The following DGKI variants were observed in gnomAD, a reference collection of about 807,000 sequenced individuals.
The protein encoded by DGKI is DAG kinase iota.
A neutral mutation model predicts 147.5 loss-of-function variants in DGKI; 55 were observed. That is an observed-to-expected ratio of 0.37 (90% confidence interval 0.30 to 0.47). The LOEUF is 0.47. DGKI is among the 20% of genes least tolerant of loss of function. DGKI has a pLI of 1.00. For missense variants in DGKI, 1,007 were observed against 1,323.8 expected (o/e 0.76, Z 3.71); for synonymous variants, 469 against 477.1 (o/e 0.98, Z 0.22).
At chr7:137,744,626 T>C (rs1795272288) in intron 1 of DGKI, among the ~76,000 whole-genome samples, 2 of 151,718 alleles carry the variant, frequency 1.3e-5, no homozygotes, top group Non-Finnish European at 2.9e-5. Context: ...CTGATGAACA[T>C]AGAAGCAAAT....
Position 137,441,644 on chromosome 7 carries a change from A to AT in DGKI, c.2761+2432dup, listed in dbSNP as rs899237433. On this transcript the variant is annotated intron_variant, in intron 28 of 32. Coordinates refer to ENST00000614521, the MANE Select transcript of DGKI (RefSeq NM_001321708.2). ...TACCAGGGTTATTGGACGTTGCAAA[A>AT]TTAGATTTTTCCAAGAATAAGTTCT... 9.9e-4 allele frequency among the ~76,000 whole-genome samples: 151 copies of AT among 152,284 alleles called. 1 individual carries two copies. The highest frequency in any genetic ancestry group is 3.3e-3 in the African/African-American group (139 of 41,570).
intron 20 of DGKI, among the ~76,000 whole-genome samples, chr7:137,528,524 T>C (rs950996697): frequency 1.3e-5 from 2 of 152,306 alleles, no homozygotes; most frequent in Non-Finnish European, 2.9e-5. Flanking sequence ...TATTAATTCT[T>C]TTTTGATGGA....
At chr7:137,524,998 G>C (rs1363447182) in intron 20 of DGKI, among the ~76,000 whole-genome samples, 1 of 152,046 alleles carries the variant, frequency 6.6e-6, no homozygotes, top group Non-Finnish European at 1.5e-5. Context: ...TGTCCTCCCA[G>C]GTTCTCATCT....
chr7:137,476,337 C>T (rs1413171963), intron 23 of DGKI, among the ~76,000 whole-genome samples: 2 of 151,920 alleles, frequency 1.3e-5, no homozygotes, highest in African/African-American at 4.8e-5. Context: ...TTTCTTTTTA[C>T]GGTGTGCTCA....
intron 19 of DGKI, among the ~76,000 whole-genome samples, chr7:137,567,007 G>A (rs1032044912): frequency 1.8e-5 from 2 of 111,564 alleles, no homozygotes; most frequent in East Asian, 2.4e-4. Flanking sequence ...GCTCATGCCT[G>A]TAACCCAAGC....
At chr7:137,736,227 A>G (rs1795017848) in intron 1 of DGKI, among the ~76,000 whole-genome samples, 1 of 152,116 alleles carries the variant, frequency 6.6e-6, no homozygotes, top group South Asian at 2.1e-4. Context: ...AGATTTTGCA[A>G]CCTGATCATT....
At chr7:137,573,667 A>T (rs564982401) in intron 17 of DGKI, among the ~76,000 whole-genome samples, 1 of 152,298 alleles carries the variant, frequency 6.6e-6, no homozygotes, top group African/African-American at 2.4e-5. Flanking sequence ...GGCCTCACAA[A>T]GTGCTGGGAT....
intron 7 of DGKI, among the ~76,000 whole-genome samples, chr7:137,620,151 C>T (rs969388225): frequency 1.3e-5 from 2 of 152,016 alleles, no homozygotes; most frequent in African/African-American, 4.8e-5. Context: ...ACCCAGCCAG[C>T]CCCAGGAGCT....
At chr7:137,552,663 C>T (rs1818088100) in intron 19 of DGKI, 95 bp from the exon 20 acceptor site, 33 of 1,314,674 alleles carry the variant, frequency 2.5e-5, no homozygotes, top group Middle Eastern at 2.4e-4. Flanking sequence ...AATCCCAGCA[C>T]TTTGGGAGAC....
intron 9 of DGKI, 93 bp from the exon 10 acceptor site, chr7:137,609,157 T>C: frequency 1.1e-6 from 1 of 936,892 alleles, no homozygotes; most frequent in Non-Finnish European, 1.7e-6. Flanking sequence ...CAATAATACA[T>C]TTTGTTTCCC....
intron 1 of DGKI, among the ~76,000 whole-genome samples, chr7:137,706,712 A>T (rs1794042228): frequency 6.6e-6 from 1 of 151,902 alleles, no homozygotes; most frequent in Non-Finnish European, 1.5e-5. Context: ...AGCTGGGACT[A>T]CAGGCGCATG....
chr7:137,793,548 G>A (rs1462999809), intron 1 of DGKI, among the ~76,000 whole-genome samples: 3 of 152,084 alleles, frequency 2.0e-5, no homozygotes, highest in South Asian at 2.1e-4. Flanking sequence ...TGATCCACCC[G>A]CCTTGGCCTC....
intron 28 of DGKI, among the ~76,000 whole-genome samples, chr7:137,415,508 G>A (rs769347066): frequency 5.0e-4 from 76 of 152,182 alleles, no homozygotes; most frequent in Non-Finnish European, 8.4e-4. Flanking sequence ...CAGATACTGA[G>A]TAACAGCTGT....
At chr7:137,419,443 G>T (rs1812478874) in intron 28 of DGKI, among the ~76,000 whole-genome samples, 1 of 152,150 alleles carries the variant, frequency 6.6e-6, no homozygotes, top group South Asian at 2.1e-4. Flanking sequence ...CATAGCCTTT[G>T]CTGTATTTAC....
At chr7:137,527,294 C>T (rs1817184797) in intron 20 of DGKI, among the ~76,000 whole-genome samples, 1 of 152,042 alleles carries the variant, frequency 6.6e-6, no homozygotes, top group Non-Finnish European at 1.5e-5. Flanking sequence ...TTCCATAAGC[C>T]TTATATTGTT....
At chr7:137,722,301 G>A in intron 1 of DGKI, 1 of 1,612,402 alleles carries the variant, frequency 6.2e-7, no homozygotes, top group Non-Finnish European at 8.5e-7. Flanking sequence ...GCAGTACCCG[G>A]GTGGTTAAAC....
chr7:137,495,636 G>T (rs547446649), intron 21 of DGKI, among the ~76,000 whole-genome samples: 1 of 151,586 alleles, frequency 6.6e-6, no homozygotes, highest in Non-Finnish European at 1.5e-5. Context: ...TTATCCCTGC[G>T]ATGCAAGGTG....
chr7:137,686,659 TA>T (rs1489530475), intron 2 of DGKI, among the ~76,000 whole-genome samples: 1 of 152,160 alleles, frequency 6.6e-6, no homozygotes, highest in African/African-American at 2.4e-5. Flanking sequence ...AGTATTAAGT[TA>T]ATGTACCCAA....
chr7:137,605,486 G>A (rs777981410), intron 10 of DGKI, among the ~76,000 whole-genome samples: 2 of 151,994 alleles, frequency 1.3e-5, no homozygotes, highest in East Asian at 1.9e-4. Flanking sequence ...CAGTGTCATC[G>A]CTACCTTAAG....
Sources: gnomAD v4.1 joint callset for allele counts (sites outside exome capture counted in the v4.1 genomes callset) on GRCh38, gnomAD v4.1.1 for gene constraint, MANE v1.5 for transcripts, NCBI Gene and HGNC (gene_info 2026-07-23, HGNC 2026-07-21) for gene names.